The following PCNX2 variants were observed in gnomAD, a reference collection of about 807,000 sequenced individuals.
The protein encoded by PCNX2 is pecanex-like protein 2.
In PCNX2, 168 loss-of-function variants were observed where a neutral mutation model predicts 223.8. The observed-to-expected ratio is 0.75, with a 90% CI of 0.66 to 0.85. The LOEUF (loss-of-function observed/expected upper bound fraction) is 0.85, where lower values mean the gene tolerates loss of function less well. Among genes scored for constraint, PCNX2 ranks in the 40% least tolerant of loss-of-function variants. PCNX2 has a pLI of 0.00. For missense variants in PCNX2, 2,507 were observed against 2,675.5 expected (o/e 0.94, Z 1.39); for synonymous variants, 1,006 against 1,052.6 (o/e 0.96, Z 0.86).
intron 1 of PCNX2, chr1:233,288,953 A>G: frequency 3.3e-6 from 5 of 1,512,160 alleles, no homozygotes; most frequent in Non-Finnish European, 4.6e-6. Flanking sequence ...TGTGTTCCAC[A>G]TTGTTCTGCT....
chr1:233,130,806 A>G (rs1408678301), intron 21 of PCNX2, among the ~76,000 whole-genome samples: 4 of 149,588 alleles, frequency 2.7e-5, no homozygotes, highest in African/African-American at 7.5e-5. Flanking sequence ...TTTTTATTCC[A>G]GATCTGGCAG....
intron 26 of PCNX2, among the ~76,000 whole-genome samples, chr1:233,022,729 G>A (rs1225274260): frequency 1.5e-5 from 2 of 135,872 alleles, no homozygotes; most frequent in African/African-American, 2.8e-5. Context: ...ACAGAGTCTC[G>A]CTCTGTTGCC....
At chr1:233,012,266 C>T (rs1670495939) in intron 28 of PCNX2, among the ~76,000 whole-genome samples, 1 of 152,004 alleles carries the variant, frequency 6.6e-6, no homozygotes, top group Non-Finnish European at 1.5e-5. Flanking sequence ...CTAGCAGATT[C>T]AATAGAAATC....
chr1:233,244,950 G>A (rs997948801), intron 8 of PCNX2, among the ~76,000 whole-genome samples: 2 of 152,192 alleles, frequency 1.3e-5, no homozygotes, highest in Admixed American at 6.5e-5. Context: ...GGATTTATTT[G>A]TTGAGGTCGT....
intron 25 of PCNX2, chr1:233,032,995 G>A: frequency 5.1e-6 from 5 of 985,256 alleles, no homozygotes; most frequent in Non-Finnish European, 6.0e-6. Flanking sequence ...GTAAATCAAG[G>A]CCCATATTCT....
intron 25 of PCNX2, among the ~76,000 whole-genome samples, chr1:233,028,357 T>C (rs1052899494): frequency 6.6e-6 from 1 of 152,222 alleles, no homozygotes; most frequent in African/African-American, 2.4e-5. Flanking sequence ...AATTGTAGAT[T>C]TTTCTGTTTT....
intron 25 of PCNX2, among the ~76,000 whole-genome samples, chr1:233,044,673 CTT>C (rs1005248899): frequency 1.4e-5 from 2 of 144,974 alleles, no homozygotes; most frequent in Non-Finnish European, 1.5e-5. Flanking sequence ...TGTATTCTTT[CTT>C]TTTTTTTTTT....
chr1:233,274,430 C>T (rs1660807177), intron 1 of PCNX2, among the ~76,000 whole-genome samples: 1 of 152,160 alleles, frequency 6.6e-6, no homozygotes. Context: ...CAAAATCAAC[C>T]CTCCCCACAG....
the PCNX2 span, among the ~76,000 whole-genome samples, chr1:233,312,177 G>A: frequency 6.6e-6 from 1 of 151,954 alleles, no homozygotes; most frequent in Non-Finnish European, 1.5e-5. Flanking sequence ...GTGGGCATAG[G>A]AAACAATAAA....
At chr1:233,047,803 C>T (rs745568849) in intron 25 of PCNX2, among the ~76,000 whole-genome samples, 1 of 152,120 alleles carries the variant, frequency 6.6e-6, no homozygotes, top group African/African-American at 2.4e-5. Context: ...GACAGATCAT[C>T]GAGGCGGAAA....
At chr1:233,311,169 T>C in the PCNX2 span, among the ~76,000 whole-genome samples, 1 of 152,226 alleles carries the variant, frequency 6.6e-6, no homozygotes, top group Non-Finnish European at 1.5e-5. Context: ...AACTAAATTG[T>C]AGGGATTTCT....
intron 21 of PCNX2, among the ~76,000 whole-genome samples, chr1:233,108,322 A>C (rs1674920147): frequency 6.6e-6 from 1 of 152,298 alleles, no homozygotes; most frequent in South Asian, 2.1e-4. Flanking sequence ...AAATCTGAGG[A>C]GAGAAAGATA....
intron 17 of PCNX2, among the ~76,000 whole-genome samples, chr1:233,176,827 C>T (rs1055234440): frequency 6.6e-6 from 1 of 152,162 alleles, no homozygotes; most frequent in Non-Finnish European, 1.5e-5. Context: ...TCCTGGTTAA[C>T]ACGGTGAAAC....
chr1:233,277,719 A>G (rs115624257), intron 1 of PCNX2, among the ~76,000 whole-genome samples: 1,548 of 152,274 alleles, frequency 0.01, 14 homozygotes, highest in South Asian at 0.028. Context: ...TGATGCAGAA[A>G]TTGCATAAGA....
chr1:233,319,352 A>C, the PCNX2 span, among the ~76,000 whole-genome samples: 2 of 152,194 alleles, frequency 1.3e-5, no homozygotes, highest in Admixed American at 1.3e-4. Flanking sequence ...CCGCAGGTAG[A>C]TTAGATCTCC....
chr1:233,179,469 A>G (rs1366482820), intron 15 of PCNX2, among the ~76,000 whole-genome samples: 1 of 152,242 alleles, frequency 6.6e-6, no homozygotes, highest in African/African-American at 2.4e-5. Flanking sequence ...AATATTAAAC[A>G]TGTGTCCCTC....
At chr1:233,011,321 C>T (rs1055813042) in intron 28 of PCNX2, among the ~76,000 whole-genome samples, 3 of 152,096 alleles carry the variant, frequency 2.0e-5, no homozygotes, top group Non-Finnish European at 4.4e-5. Flanking sequence ...ATTATGCCCC[C>T]CAATTCTATA....
At chr1:233,113,076 G>A in intron 21 of PCNX2, 8 of 1,173,840 alleles carry the variant, frequency 6.8e-6, no homozygotes, top group Non-Finnish European at 9.0e-6. Context: ...CACTAAGAAT[G>A]CAGCCACAGG....
At chr1:233,208,147 C>T (rs188593794) in intron 13 of PCNX2, among the ~76,000 whole-genome samples, 3 of 152,186 alleles carry the variant, frequency 2.0e-5, no homozygotes, top group South Asian at 2.1e-4. Flanking sequence ...TTAGTAGAGA[C>T]GGGGTTTCAC....
Sources: allele counts gnomAD v4.1 joint callset (sites outside exome capture counted in the v4.1 genomes callset), GRCh38; gene constraint gnomAD v4.1.1; transcripts MANE v1.5; gene names NCBI Gene and HGNC (gene_info 2026-07-23, HGNC 2026-07-21).